Variants in CLVS1 observed in about 807,000 individuals in gnomAD.
The protein encoded by CLVS1 is clavesin 1.
Under a neutral mutation model 33.1 loss-of-function variants are expected in CLVS1, and 10 were observed. The ratio of observed to expected loss-of-function variants is 0.30; its 90% CI spans 0.19 to 0.51. The LOEUF is 0.51. CLVS1 is among the 20% of genes least tolerant of loss of function. The pLI is 0.97. For missense variants in CLVS1, 343 were observed against 433.4 expected (o/e 0.79, Z 1.85); for synonymous variants, 163 against 166.1 (o/e 0.98, Z 0.14).
intron 2 of CLVS1, among the ~76,000 whole-genome samples, chr8:61,236,943 A>C (rs1183494603): frequency 6.6e-6 from 1 of 152,200 alleles, no homozygotes; most frequent in Non-Finnish European, 1.5e-5. Context: ...GGCAGAATAG[A>C]GTGCAATTCA....
At chr8:61,482,758 A>C (rs1803701075) in intron 5 of CLVS1, among the ~76,000 whole-genome samples, 1 of 152,240 alleles carries the variant, frequency 6.6e-6, no homozygotes, top group Non-Finnish European at 1.5e-5. Flanking sequence ...ACCACAGTGC[A>C]ATCAACCTAG....
At position 61,296,208 on chromosome 8, in the gene CLVS1, C is replaced by T. The variant is rs2978530; in HGVS notation, c.-151-3469C>T. On this transcript the variant is annotated intron_variant, in intron 1 of 5. Coordinates refer to ENST00000325897, the MANE Select transcript of CLVS1 (RefSeq NM_173519.3). ...TTTAATGGAAAATATCTATGTTATC[C>T]TAAGTTATGAAACCCAGTGACCCTG... Among the ~76,000 whole-genome samples the T allele has an allele frequency of 9.8e-3, 1,486 of 152,208 alleles. 18 individuals carry two copies. Among genetic ancestry groups the T allele is most frequent in the South Asian group, 0.028 (135 of 4,822 alleles).
chr8:60,979,241 G>T, the CLVS1 span, among the ~76,000 whole-genome samples: 1 of 152,162 alleles, frequency 6.6e-6, no homozygotes, highest in Non-Finnish European at 1.5e-5. Context: ...AGTCTCAAAG[G>T]TCCCTTCCAG....
At chr8:61,424,035 G>A (rs529884636) in intron 3 of CLVS1, among the ~76,000 whole-genome samples, 4 of 152,224 alleles carry the variant, frequency 2.6e-5, no homozygotes, top group Non-Finnish European at 5.9e-5. Flanking sequence ...CTCTTCCCTT[G>A]CACACGCACA....
At chr8:61,016,661 G>A in the CLVS1 span, among the ~76,000 whole-genome samples, 2 of 152,222 alleles carry the variant, frequency 1.3e-5, no homozygotes, top group African/African-American at 4.8e-5. Context: ...AAAACTGCAT[G>A]TGCATACATA....
chr8:61,182,548 G>A (rs1231383514), intron 2 of CLVS1, among the ~76,000 whole-genome samples: 2 of 152,134 alleles, frequency 1.3e-5, no homozygotes, highest in African/African-American at 4.8e-5. Flanking sequence ...TCTCAAAGAA[G>A]ACATTTATGT....
chr8:61,423,564 A>C (rs756969519), intron 3 of CLVS1, among the ~76,000 whole-genome samples: 2 of 152,166 alleles, frequency 1.3e-5, no homozygotes, highest in Non-Finnish European at 2.9e-5. Flanking sequence ...GTGCTTAGAA[A>C]CGTTTATTCA....
intron 2 of CLVS1, among the ~76,000 whole-genome samples, chr8:61,307,356 G>T (rs1327840280): frequency 1.3e-5 from 2 of 152,110 alleles, no homozygotes; most frequent in African/African-American, 4.8e-5. Flanking sequence ...TTACTAGAGA[G>T]GAAAGAAAGT....
At chr8:61,444,022 G>C (rs767329433) in intron 3 of CLVS1, among the ~76,000 whole-genome samples, 31 of 152,016 alleles carry the variant, frequency 2.0e-4, no homozygotes, top group Non-Finnish European at 3.2e-4. Flanking sequence ...TAATTTTGGT[G>C]TCTTCATATT....
intron 2 of CLVS1, among the ~76,000 whole-genome samples, chr8:61,348,868 A>G (rs1285044669): frequency 6.6e-6 from 1 of 152,082 alleles, no homozygotes; most frequent in African/African-American, 2.4e-5. Flanking sequence ...TTTTCTCCAT[A>G]TCCTTGCTAA....
intron 2 of CLVS1, among the ~76,000 whole-genome samples, chr8:61,302,437 G>A (rs1048678750): frequency 6.6e-5 from 10 of 152,146 alleles, no homozygotes; most frequent in African/African-American, 2.2e-4. Flanking sequence ...GCCAGAGCTT[G>A]TCTTAGGGCA....
chr8:61,092,222 C>T (rs915633843), intron 1 of CLVS1, among the ~76,000 whole-genome samples: 23 of 151,960 alleles, frequency 1.5e-4, no homozygotes, highest in African/African-American at 5.3e-4. Flanking sequence ...CATTAATTAC[C>T]AGTTGGTGTT....
At chr8:61,036,768 A>G in the CLVS1 span, among the ~76,000 whole-genome samples, 2 of 152,256 alleles carry the variant, frequency 1.3e-5, no homozygotes, top group Non-Finnish European at 1.5e-5. Context: ...CACCTTGCTA[A>G]CGTTTGCCAT....
At chr8:61,329,995 G>C (rs6991850) in intron 2 of CLVS1, among the ~76,000 whole-genome samples, 12,054 of 152,136 alleles carry the variant, frequency 0.079, 1,214 homozygotes, top group African/African-American at 0.23. Context: ...CTTTCTCCAT[G>C]CAGCAAGATA....
At chr8:61,297,630 A>G (rs1409081503) in intron 1 of CLVS1, among the ~76,000 whole-genome samples, 2 of 152,166 alleles carry the variant, frequency 1.3e-5, no homozygotes, top group Non-Finnish European at 2.9e-5. Flanking sequence ...GGAGATGTTC[A>G]GTAGGCTGTA....
chr8:61,252,751 C>A (rs1808979639), intron 2 of CLVS1, among the ~76,000 whole-genome samples: 1 of 151,916 alleles, frequency 6.6e-6, no homozygotes, highest in Non-Finnish European at 1.5e-5. Context: ...CCTGCTTTTT[C>A]TTTTGCTTTC....
intron 2 of CLVS1, among the ~76,000 whole-genome samples, chr8:61,331,172 G>C (rs1811577731): frequency 6.6e-6 from 1 of 152,090 alleles, no homozygotes; most frequent in Non-Finnish European, 1.5e-5. Flanking sequence ...TCAGAATTTT[G>C]GAGGCATTTC....
At chr8:61,119,534 C>T (rs1432962439) in intron 1 of CLVS1, among the ~76,000 whole-genome samples, 13 of 148,276 alleles carry the variant, frequency 8.8e-5, no homozygotes, top group East Asian at 2.0e-4. Context: ...CCATGTTTAG[C>T]GCTTCCTTCA....
At chr8:61,346,950 A>G (rs72657057) in intron 2 of CLVS1, among the ~76,000 whole-genome samples, 56,424 of 152,140 alleles carry the variant, frequency 0.37, 12,761 homozygotes, top group East Asian at 0.64. Context: ...GCCTGTGCAG[A>G]TGACTGCAAG....
Sources: gnomAD v4.1 joint callset for allele counts (sites outside exome capture counted in the v4.1 genomes callset) on GRCh38, gnomAD v4.1.1 for gene constraint, MANE v1.5 for transcripts, NCBI Gene and HGNC (gene_info 2026-07-23, HGNC 2026-07-21) for gene names.